Variants in RABGEF1 observed in about 807,000 individuals in gnomAD.
RABGEF1 encodes RAB guanine nucleotide exchange factor 1, also known as rab5 GDP/GTP exchange factor.
Under a neutral mutation model 57.3 loss-of-function variants are expected in RABGEF1, and 26 were observed. The observed-to-expected ratio is 0.45, with a 90% CI of 0.33 to 0.63. The LOEUF (loss-of-function observed/expected upper bound fraction) is 0.63. Among genes scored for constraint, RABGEF1 ranks in the 20% least tolerant of loss-of-function variants. The pLI, the probability that RABGEF1 is intolerant of heterozygous loss-of-function variation, is 0.02. For synonymous variants in RABGEF1, 185 were observed against 210.7 expected (o/e 0.88, Z 1.06); for missense variants, 464 against 607.6 (o/e 0.76, Z 2.48).
intron 7 of RABGEF1, among the ~76,000 whole-genome samples, chr7:66,801,481 A>AT (rs1317884023): frequency 1.3e-5 from 2 of 152,030 alleles, no homozygotes; most frequent in East Asian, 3.8e-4. Context: ...ACTAGGTCTT[A>AT]TTCATTCTTT....
At chr7:66,755,919 A>G in intron 1 of RABGEF1, 1 of 588,330 alleles carries the variant, frequency 1.7e-6, no homozygotes, top group Non-Finnish European at 2.8e-6. Context: ...TTGGACAAAT[A>G]ATGTTTTGTT....
chr7:66,758,561 G>A (rs1221714923), intron 1 of RABGEF1, among the ~76,000 whole-genome samples: 3 of 152,220 alleles, frequency 2.0e-5, no homozygotes, highest in Admixed American at 2.0e-4. Context: ...GGTGGTTACT[G>A]TCTAGGGACA....
chr7:66,799,306 T>G lies in RABGEF1; in HGVS notation c.729-17T>G. 7.0e-6 allele frequency: 11 copies of G among 1,566,152 alleles called. No individual in the cohort carries two copies. The highest frequency in any genetic ancestry group is 9.7e-6 in the Non-Finnish European group (11 of 1,137,706). ...GTTTATCCTTGGAGCTCTTGTTTAC[T>G]GTCTCTCTCTCTTTAGAGCCCTGCG... is the stretch of plus-strand genomic sequence containing the variant. On this transcript the variant is annotated splice_polypyrimidine_tract_variant and intron_variant, in intron 6 of 8. Transcript: ENST00000284957.
chr7:66,725,811 AAAGT>A (rs1469483331), intron 2 of RABGEF1, among the ~76,000 whole-genome samples: 1 of 152,224 alleles, frequency 6.6e-6, no homozygotes, highest in Non-Finnish European at 1.5e-5. Context: ...GCTCCCCCGA[AAAGT>A]AAGTCTGATG....
At chr7:66,741,679 A>C (rs1798989586) in intron 1 of RABGEF1, among the ~76,000 whole-genome samples, 1 of 152,016 alleles carries the variant, frequency 6.6e-6, no homozygotes, top group Admixed American at 6.6e-5. Flanking sequence ...CCCCCTCTAA[A>C]CCTAGAACTG....
At chr7:66,704,792 CA>C (rs1450408734) in intron 1 of RABGEF1, among the ~76,000 whole-genome samples, 1 of 144,704 alleles carries the variant, frequency 6.9e-6, no homozygotes, top group Non-Finnish European at 1.5e-5. Flanking sequence ...GCCTGGGTGA[CA>C]AAGTGAGACT....
chr7:66,722,679 A>G (rs1796179050), intron 2 of RABGEF1, among the ~76,000 whole-genome samples: 1 of 152,196 alleles, frequency 6.6e-6, no homozygotes, highest in African/African-American at 2.4e-5. Context: ...AAACATCACT[A>G]CTATGATGTT....
At chr7:66,728,688 C>T (rs1476957068) in intron 2 of RABGEF1, among the ~76,000 whole-genome samples, 1 of 87,700 alleles carries the variant, frequency 1.1e-5, no homozygotes, top group Non-Finnish European at 2.5e-5. Context: ...CCTCCATCCT[C>T]ATCATCCTCA....
intron 1 of RABGEF1, among the ~76,000 whole-genome samples, chr7:66,699,852 CA>C (rs1248485541): frequency 2.6e-5 from 4 of 151,936 alleles, no homozygotes; most frequent in Non-Finnish European, 5.9e-5. Context: ...GACCCTGTCT[CA>C]AAAATAAAAT....
chr7:66,763,392 G>A (rs746977684), intron 1 of RABGEF1, among the ~76,000 whole-genome samples: 1 of 152,218 alleles, frequency 6.6e-6, no homozygotes, highest in Non-Finnish European at 1.5e-5. Flanking sequence ...TCAGCCAGAA[G>A]TCATTCTCAG....
chr7:66,748,236 C>G (rs1372517300), intron 1 of RABGEF1, among the ~76,000 whole-genome samples: 3 of 152,162 alleles, frequency 2.0e-5, no homozygotes, highest in Non-Finnish European at 4.4e-5. Flanking sequence ...TCAAAACATT[C>G]CGTAAAAGCA....
intron 1 of RABGEF1, among the ~76,000 whole-genome samples, chr7:66,750,852 T>A (rs537356791): frequency 6.6e-6 from 1 of 152,340 alleles, no homozygotes; most frequent in South Asian, 2.1e-4. Flanking sequence ...ACGCTTTATG[T>A]GTATTTGGAG....
chr7:66,799,774 T>A (rs1786853500), intron 7 of RABGEF1, among the ~76,000 whole-genome samples: 1 of 152,208 alleles, frequency 6.6e-6, no homozygotes, highest in Non-Finnish European at 1.5e-5. Flanking sequence ...ATTTATATAT[T>A]CAAAATAATT....
rs538286059 is a variant in RABGEF1, at chr7:66,710,275, G to A, written c.-872-1892G>A. 9.2e-5 allele frequency among the ~76,000 whole-genome samples: 14 copies of A among 152,054 alleles called. No homozygotes were observed. In the South Asian group the frequency reaches 1.0e-3, roughly 11 times the overall value. On this transcript the variant is annotated intron_variant and NMD_transcript_variant, in intron 1 of 9. Transcript: ENST00000607882. ...TGGATATACCACAATTTTTTAATCCGTTCATCTTGTTGATGGACATTTAGG... is the reference window on the plus strand; with the variant it reads ...TGGATATACCACAATTTTTTAATCCATTCATCTTGTTGATGGACATTTAGG...
chr7:66,713,139 C>CT (rs1794964871), intron 2 of RABGEF1, among the ~76,000 whole-genome samples: 1 of 149,310 alleles, frequency 6.7e-6, no homozygotes, highest in Admixed American at 6.7e-5. Flanking sequence ...TTTTTCTTTT[C>CT]TTTTCTTTTT....
At chr7:66,731,096 A>G (rs1797262228) in intron 2 of RABGEF1, among the ~76,000 whole-genome samples, 1 of 152,200 alleles carries the variant, frequency 6.6e-6, no homozygotes, top group Non-Finnish European at 1.5e-5. Context: ...ACACAGGGAC[A>G]CTGAGGCCCA....
At chr7:66,786,730 A>G (rs531129850) in intron 4 of RABGEF1, among the ~76,000 whole-genome samples, 3 of 152,042 alleles carry the variant, frequency 2.0e-5, no homozygotes, top group Non-Finnish European at 4.4e-5. Context: ...GTTTGCTAAT[A>G]TTTTTCTGAA....
chr7:66,778,219 G>GT (rs1808998341), intron 3 of RABGEF1, among the ~76,000 whole-genome samples: 1 of 152,156 alleles, frequency 6.6e-6, no homozygotes, highest in South Asian at 2.1e-4. Context: ...CTTGCTGTTG[G>GT]TGTTTTACTT....
chr7:66,734,671 G>A (rs1198393060), intron 2 of RABGEF1, among the ~76,000 whole-genome samples: 1 of 150,254 alleles, frequency 6.7e-6, no homozygotes, highest in African/African-American at 2.5e-5. Flanking sequence ...GACCTCAAGT[G>A]ATCCATCCAC....
Sources: gnomAD v4.1 joint callset for allele counts (sites outside exome capture counted in the v4.1 genomes callset) on GRCh38, gnomAD v4.1.1 for gene constraint, MANE v1.5 for transcripts, NCBI Gene and HGNC (gene_info 2026-07-23, HGNC 2026-07-21) for gene names.